The following LTBP1 variants were observed in gnomAD, a reference collection of about 807,000 sequenced individuals.
LTBP1 encodes the protein latent transforming growth factor beta binding protein 1.
In LTBP1, 129 loss-of-function variants were observed where a neutral mutation model predicts 207.6. The observed-to-expected ratio is 0.62, with a 90% CI of 0.54 to 0.72. LTBP1 has a LOEUF of 0.72. Ranked by LOEUF, LTBP1 falls within the 30% of genes least tolerant of loss-of-function variation. The pLI is 0.00. For synonymous variants in LTBP1, 963 were observed against 833.7 expected, an observed-to-expected ratio of 1.16 and a Z score of -2.67; for missense variants, 2,281 against 2,217.2, an observed-to-expected ratio of 1.03 and a Z score of -0.58.
chr2:33,302,994 C>A (rs939772027), intron 22 of LTBP1, among the ~76,000 whole-genome samples: 1 of 151,538 alleles, frequency 6.6e-6, no homozygotes, highest in Non-Finnish European at 1.5e-5. Context: ...CAAACACACA[C>A]AAACACACGC....
chr2:33,218,195 T>G (rs2090856121), intron 8 of LTBP1, among the ~76,000 whole-genome samples: 1 of 152,232 alleles, frequency 6.6e-6, no homozygotes, highest in Non-Finnish European at 1.5e-5. Flanking sequence ...CCATTTTTTC[T>G]GACACTGGTT....
chr2:33,308,722 ATTG>A (rs2094136614), intron 22 of LTBP1, among the ~76,000 whole-genome samples: 4 of 152,136 alleles, frequency 2.6e-5, no homozygotes. Context: ...TGTTTATTTT[ATTG>A]TTAATAATAC....
At chr2:33,171,801 C>G (rs1004382771) in intron 5 of LTBP1, among the ~76,000 whole-genome samples, 1 of 152,024 alleles carries the variant, frequency 6.6e-6, no homozygotes, top group Admixed American at 6.6e-5. Flanking sequence ...AGACTAACAG[C>G]GGATCTCTCG....
intron 3 of LTBP1, among the ~76,000 whole-genome samples, chr2:33,104,353 G>A (rs192908954): frequency 1.0e-3 from 155 of 152,214 alleles, no homozygotes; most frequent in Non-Finnish European, 1.6e-3. Flanking sequence ...TTTCTTTTCT[G>A]TGTGTCACTA....
intron 2 of LTBP1, among the ~76,000 whole-genome samples, chr2:33,017,285 TGC>T (rs1218888952): frequency 5.3e-5 from 8 of 152,208 alleles, no homozygotes; most frequent in Non-Finnish European, 1.2e-4. Flanking sequence ...CATGAAAGCT[TGC>T]AAGTATAAAA....
At chr2:33,094,949 TA>T (rs1558629753) in intron 3 of LTBP1, among the ~76,000 whole-genome samples, 3 of 152,230 alleles carry the variant, frequency 2.0e-5, no homozygotes, top group African/African-American at 4.8e-5. Flanking sequence ...GAGATGGAAT[TA>T]TTTCCAAATT....
rs1331139038 is a variant in LTBP1, at chr2:33,363,666, C to A, written c.4399+148C>A. On this transcript the variant is annotated intron_variant, in intron 29 of 33. Transcript: ENST00000404816. ...GTTTTAGGGATCTTTTTCTTAAGCA[C>A]AATTGAAGAAAATAAAAAGAAAAAA... The A allele has an allele frequency of 9.3e-6, 8 of 864,812 alleles. No homozygotes were observed. The African/African-American group carries it at 1.2e-4, about 13-fold the overall frequency. The allele number at this position is 864,812 out of a possible 1,614,324, so 53.6% of individuals were successfully genotyped here. A position where few individuals can be genotyped will look rare whatever the true frequency, so the allele number is the denominator to read the frequency against.
chr2:33,176,566 G>A (rs1412066240), intron 5 of LTBP1, among the ~76,000 whole-genome samples: 2 of 152,098 alleles, frequency 1.3e-5, no homozygotes, highest in East Asian at 1.9e-4. Context: ...TGCTATTGAC[G>A]TTATTGATTG....
intron 2 of LTBP1, among the ~76,000 whole-genome samples, chr2:33,008,910 A>G (rs1361867755): frequency 6.6e-6 from 1 of 152,226 alleles, no homozygotes; most frequent in Non-Finnish European, 1.5e-5. Flanking sequence ...AGGCCCTGTG[A>G]TGGAAGCAGG....
chr2:33,097,275 A>G (rs1268533397), intron 3 of LTBP1, among the ~76,000 whole-genome samples: 2 of 152,218 alleles, frequency 1.3e-5, no homozygotes, highest in African/African-American at 2.4e-5. Flanking sequence ...ACATATTAAT[A>G]ATATAAAGCA....
intron 25 of LTBP1, 74 bp downstream of exon 25, chr2:33,343,037 C>A: frequency 6.7e-7 from 1 of 1,492,804 alleles, no homozygotes; most frequent in Non-Finnish European, 9.0e-7. Flanking sequence ...ACAACAGGAG[C>A]TTTTAAGCAG....
intron 3 of LTBP1, among the ~76,000 whole-genome samples, chr2:33,088,963 C>A (rs576642693): frequency 6.6e-6 from 1 of 151,812 alleles, no homozygotes; most frequent in Non-Finnish European, 1.5e-5. Context: ...TGAGACCAGC[C>A]TGGCCAACAT....
intron 2 of LTBP1, among the ~76,000 whole-genome samples, chr2:33,013,914 C>T (rs1688001835): frequency 6.6e-6 from 1 of 152,140 alleles, no homozygotes; most frequent in African/African-American, 2.4e-5. Flanking sequence ...GATTCTGTAC[C>T]CAGCCTTTGT....
intron 15 of LTBP1, among the ~76,000 whole-genome samples, chr2:33,273,449 T>C (rs1248194860): frequency 6.6e-6 from 1 of 152,216 alleles, no homozygotes; most frequent in Non-Finnish European, 1.5e-5. Context: ...CTAGGAACTA[T>C]TGATGTCCTT....
At chr2:33,114,340 A>G (rs574690499) in intron 4 of LTBP1, among the ~76,000 whole-genome samples, 2 of 152,348 alleles carry the variant, frequency 1.3e-5, no homozygotes, top group South Asian at 2.1e-4. Context: ...ACATGTATCT[A>G]TTAAACGTGT....
rs372726239 is a variant in LTBP1 at position 33,217,651 on chromosome 2, C to T, written c.1801C>T (p.Pro601Ser). The T allele has an allele frequency of 1.2e-6, 2 of 1,609,978 alleles. No individual in the cohort carries two copies. Among genetic ancestry groups the T allele is most frequent in the East Asian group, 4.5e-5 (2 of 44,826 alleles). Residue 601 changes from proline to serine, a missense_variant, in exon 8 of 34, where the codon CCA (proline) becomes TCA (serine). Physicochemically the swap from Pro to Ser is moderately conservative, Grantham distance 74 (BLOSUM62 -1). Coordinates refer to ENST00000404816, the MANE Select transcript of LTBP1 (RefSeq NM_206943.4). ...FNKCQKCPKK[P>S]SYHGYNQMME... ...CAAATGCCAGAAATGCCCCAAGAAA[C>T]CATGTAAGTAATGTTTCCTCACTCC...
chr2:33,223,707 G>C (rs188689814), intron 9 of LTBP1, among the ~76,000 whole-genome samples: 199 of 152,282 alleles, frequency 1.3e-3, no homozygotes, highest in African/African-American at 4.7e-3. Context: ...GGCAGTGGAA[G>C]TAACAACCTT....
intron 7 of LTBP1, among the ~76,000 whole-genome samples, chr2:33,204,270 C>A (rs1442037133): frequency 2.6e-5 from 4 of 151,260 alleles, no homozygotes; most frequent in Non-Finnish European, 5.9e-5. Context: ...ATTGAATGTT[C>A]TATTTCAACA....
At chr2:33,132,965 G>T (rs943322695) in intron 4 of LTBP1, among the ~76,000 whole-genome samples, 1 of 152,184 alleles carries the variant, frequency 6.6e-6, no homozygotes, top group African/African-American at 2.4e-5. Flanking sequence ...TGTGAGGCCA[G>T]ATTTCAGCTC....
Sources: gnomAD v4.1 joint callset for allele counts (sites outside exome capture counted in the v4.1 genomes callset) on GRCh38, gnomAD v4.1.1 for gene constraint, MANE v1.5 for transcripts, NCBI Gene and HGNC (gene_info 2026-07-23, HGNC 2026-07-21) for gene names.